The following IL1RAP variants were observed in gnomAD, a reference collection of about 807,000 sequenced individuals.
IL1RAP encodes the protein interleukin-1 receptor accessory protein.
Under a neutral mutation model 60.7 loss-of-function variants are expected in IL1RAP, and 35 were observed. The ratio of observed to expected loss-of-function variants is 0.58; its 90% CI spans 0.44 to 0.76. The LOEUF (loss-of-function observed/expected upper bound fraction) is 0.76, where lower values mean the gene tolerates loss of function less well. Ranked by LOEUF, IL1RAP falls within the 30% of genes least tolerant of loss-of-function variation. The pLI, the probability that IL1RAP is intolerant of heterozygous loss-of-function variation, is 0.00. For missense variants in IL1RAP, 572 were observed against 693.9 expected (o/e 0.82, Z 1.97); for synonymous variants, 268 against 250.9 (o/e 1.07, Z -0.64).
intron 4 of IL1RAP, among the ~76,000 whole-genome samples, chr3:190,608,709 C>T (rs182615965): frequency 2.0e-5 from 3 of 152,250 alleles, no homozygotes; most frequent in South Asian, 2.1e-4. Context: ...GAAATGTCAT[C>T]GTGTGACACA....
At chr3:190,577,473 C>T (rs1577641817) in intron 3 of IL1RAP, among the ~76,000 whole-genome samples, 1 of 152,262 alleles carries the variant, frequency 6.6e-6, no homozygotes, top group Admixed American at 6.5e-5. Flanking sequence ...TCATCATCAA[C>T]CCCCGGCTGT....
chr3:190,559,780 A>G (rs772892550), intron 2 of IL1RAP, among the ~76,000 whole-genome samples: 1 of 152,200 alleles, frequency 6.6e-6, no homozygotes, highest in Non-Finnish European at 1.5e-5. Flanking sequence ...TTGATTTATG[A>G]TACATGATAC....
chr3:190,583,564 C>T (rs987666293), intron 3 of IL1RAP, among the ~76,000 whole-genome samples: 12 of 152,210 alleles, frequency 7.9e-5, no homozygotes, highest in Admixed American at 3.3e-4. Flanking sequence ...TCTTTGAGCT[C>T]ACAATCTAGC....
At chr3:190,522,822 C>G (rs1722205317) in intron 1 of IL1RAP, among the ~76,000 whole-genome samples, 1 of 152,102 alleles carries the variant, frequency 6.6e-6, no homozygotes, top group African/African-American at 2.4e-5. Flanking sequence ...TGGATACCTT[C>G]TGAAATGAGC....
intron 1 of IL1RAP, among the ~76,000 whole-genome samples, chr3:190,522,544 G>C (rs1169608383): frequency 6.6e-6 from 1 of 151,986 alleles, no homozygotes; most frequent in Non-Finnish European, 1.5e-5. Flanking sequence ...AAGGCACTCA[G>C]TAAATATTCA....
At chr3:190,604,788 T>C (rs1354729016) in intron 4 of IL1RAP, among the ~76,000 whole-genome samples, 6 of 152,188 alleles carry the variant, frequency 3.9e-5, no homozygotes, top group Admixed American at 1.3e-4. Context: ...TCTGTTTTTC[T>C]TGGCATCTTT....
Position 190,649,751 on chromosome 3 carries a change from C to G in IL1RAP, c.*1046C>G. ...GGCATTAATATTCTAAGAGAATTAA[C>G]TGTATTTCCTGTCACCTATTCACTA... On this transcript the variant is annotated 3_prime_UTR_variant, in exon 12 of 12. Transcript: ENST00000447382. 1.0e-6 allele frequency: 1 copy of G among 985,626 alleles called. No homozygotes were observed. Among genetic ancestry groups the G allele is most frequent in the Non-Finnish European group, 1.2e-6 (1 of 829,906 alleles). The allele number at this position is 985,626 out of a possible 1,614,324, so 61.1% of individuals were successfully genotyped here. A position where few individuals can be genotyped will look rare whatever the true frequency, so the allele number is the denominator to read the frequency against.
intron 7 of IL1RAP, among the ~76,000 whole-genome samples, chr3:190,625,980 A>T (rs1358885420): frequency 1.3e-5 from 2 of 152,224 alleles, no homozygotes. Flanking sequence ...GGGAGGGTAG[A>T]TAGAGTATGG....
At chr3:190,580,396 T>G (rs1190639722) in intron 3 of IL1RAP, among the ~76,000 whole-genome samples, 1 of 152,214 alleles carries the variant, frequency 6.6e-6, no homozygotes, top group Non-Finnish European at 1.5e-5. Context: ...TTTTAATTAT[T>G]TGGCAAAACT....
chr3:190,609,169 C>G lies in IL1RAP; in HGVS notation c.525C>G (p.Ile175Met), dbSNP rs200079040. 6.2e-7 allele frequency: 1 copy of G among 1,608,776 alleles called. No individual in the cohort carries two copies. The highest frequency in any genetic ancestry group is 8.5e-7 in the Non-Finnish European group (1 of 1,176,802). Residue 175 changes from isoleucine (I) to methionine (M), a missense_variant, in exon 5 of 12, where the codon ATC becomes ATG. Ile to Met is a conservative substitution (Grantham distance 10). Transcript: ENST00000447382. Reference protein sequence around the residue: ...GYFPSSVKPTITWYMGCYKIQ... With the variant: ...GYFPSSVKPTMTWYMGCYKIQ... The stretch of plus-strand genomic sequence containing the variant: ...TTCCTTCCAGTGTCAAACCGACTAT[C>G]ACTTGGTATATGGTAAGGAAAATTA...
At chr3:190,632,168 T>C (rs1175051580) in intron 9 of IL1RAP, among the ~76,000 whole-genome samples, 1 of 152,246 alleles carries the variant, frequency 6.6e-6, no homozygotes, top group Non-Finnish European at 1.5e-5. Context: ...TGTGAGAAAC[T>C]GCCAAACCTG....
intron 3 of IL1RAP, among the ~76,000 whole-genome samples, chr3:190,591,955 TA>T (rs1356534731): frequency 6.6e-6 from 1 of 152,072 alleles, no homozygotes; most frequent in African/African-American, 2.4e-5. Context: ...CTCATTACAG[TA>T]ATTTTTTTTA....
At chr3:190,561,531 A>G (rs963825280) in intron 2 of IL1RAP, among the ~76,000 whole-genome samples, 12 of 152,120 alleles carry the variant, frequency 7.9e-5, no homozygotes, top group Non-Finnish European at 1.3e-4. Flanking sequence ...GCCCTCAATC[A>G]CACTAATTAG....
intron 3 of IL1RAP, among the ~76,000 whole-genome samples, chr3:190,581,949 ATGAAAAGC>A (rs1435125982): frequency 1.3e-5 from 2 of 152,202 alleles, no homozygotes; most frequent in East Asian, 3.8e-4. Flanking sequence ...TGTTTTAAAA[ATGAAAAGC>A]AAAGTGGAGG....
At chr3:190,532,011 A>G (rs1723024746) in intron 1 of IL1RAP, among the ~76,000 whole-genome samples, 1 of 124,740 alleles carries the variant, frequency 8.0e-6, no homozygotes, top group Non-Finnish European at 1.6e-5. Flanking sequence ...TCAGAGGAAT[A>G]TGTTGTGTTT....
chr3:190,564,118 A>G, intron 2 of IL1RAP, 171 bp from the exon 3 acceptor site: 1 of 569,486 alleles, frequency 1.8e-6, no homozygotes, highest in South Asian at 2.4e-5. Context: ...AAAAACAGAA[A>G]CAAAATAAAA....
rs545419293 is a variant in IL1RAP at position 190,651,172 on chromosome 3, T to A, written c.*2467T>A. On this transcript the variant is annotated 3_prime_UTR_variant, in exon 12 of 12. Coordinates refer to ENST00000447382, the MANE Select transcript of IL1RAP (RefSeq NM_002182.4). ...GAACAAACCATGTCTCAAATTTTTT[T>A]AAAAAAAATTAATGGTTTTAAATAT... is the stretch of plus-strand genomic sequence containing the variant. 65 of 981,106 alleles carry A rather than the reference T, an allele frequency of 6.6e-5. No homozygotes were observed. Among genetic ancestry groups the A allele is most frequent in the South Asian group, 2.4e-4 (5 of 21,216 alleles). 60.8% of individuals were successfully genotyped at this position (981,106 alleles called of 1,614,324 possible). A position where few individuals can be genotyped will look rare whatever the true frequency, so the allele number is the denominator to read the frequency against.
chr3:190,625,119 TGTTTGGGTGA>T (rs1732136290), intron 7 of IL1RAP: 1 of 152,614 alleles, frequency 6.6e-6, no homozygotes, highest in Non-Finnish European at 1.5e-5. Flanking sequence ...CGCCATCCAG[TGTTTGGGTGA>T]GCACCGGAGG....
At chr3:190,576,467 C>G (rs557272799) in intron 3 of IL1RAP, among the ~76,000 whole-genome samples, 1 of 152,268 alleles carries the variant, frequency 6.6e-6, no homozygotes, top group South Asian at 2.1e-4. Flanking sequence ...CAGATCAACA[C>G]AAATTGATCA....
Sources: allele counts gnomAD v4.1 joint callset (sites outside exome capture counted in the v4.1 genomes callset), GRCh38; gene constraint gnomAD v4.1.1; transcripts MANE v1.5; gene names NCBI Gene and HGNC (gene_info 2026-07-23, HGNC 2026-07-21).